Variants in PCDH7 observed in about 807,000 individuals in gnomAD.
PCDH7 encodes the protein protocadherin-7.
A neutral mutation model predicts 58.9 loss-of-function variants in PCDH7; 17 were observed. The observed-to-expected ratio is 0.29, with a 90% confidence interval of 0.20 to 0.43. PCDH7 has a LOEUF of 0.43. Among genes scored for constraint, PCDH7 ranks in the 20% least tolerant of loss-of-function variants. The pLI is 1.00. For synonymous variants in PCDH7, 664 were observed against 616.4 expected (o/e 1.08, Z -1.14); for missense variants, 1,274 against 1,441.0 (o/e 0.88, Z 1.88).
At chr4:30,859,348 T>A (rs1733892400) in intron 1 of PCDH7, among the ~76,000 whole-genome samples, 1 of 152,184 alleles carries the variant, frequency 6.6e-6, no homozygotes. Flanking sequence ...AATACTTGTA[T>A]ACTGCCCTCT....
At chr4:31,142,130 T>C (rs991559651) in intron 3 of PCDH7, among the ~76,000 whole-genome samples, 2 of 152,202 alleles carry the variant, frequency 1.3e-5, no homozygotes, top group Non-Finnish European at 2.9e-5. Flanking sequence ...GTGGAAAATA[T>C]TAGCACCCAT....
intron 3 of PCDH7, among the ~76,000 whole-genome samples, chr4:31,136,529 T>C (rs992168239): frequency 6.6e-6 from 1 of 152,168 alleles, no homozygotes; most frequent in African/African-American, 2.4e-5. Context: ...CCTATACTCT[T>C]CTATTTTGGT....
At chr4:31,137,660 A>G (rs1243373817) in intron 3 of PCDH7, among the ~76,000 whole-genome samples, 1 of 152,300 alleles carries the variant, frequency 6.6e-6, no homozygotes, top group Admixed American at 6.5e-5. Context: ...TTGTCAAGTA[A>G]TGTTAATCAT....
At chr4:30,802,644 G>T (rs552580653) in intron 1 of PCDH7, among the ~76,000 whole-genome samples, 55 of 152,094 alleles carry the variant, frequency 3.6e-4, no homozygotes, top group African/African-American at 1.3e-3. Flanking sequence ...AAGCGGAAGG[G>T]GTTCACAACT....
intron 3 of PCDH7, among the ~76,000 whole-genome samples, chr4:31,006,919 A>G (rs1194384829): frequency 1.7e-5 from 2 of 120,782 alleles, no homozygotes; most frequent in Admixed American, 8.0e-5. Flanking sequence ...AAAAAGAAAA[A>G]GAAACAAGAC....
At chr4:30,932,576 T>A (rs1455475243) in intron 2 of PCDH7, among the ~76,000 whole-genome samples, 2 of 152,210 alleles carry the variant, frequency 1.3e-5, no homozygotes, top group Non-Finnish European at 2.9e-5. Context: ...TAATCACTCA[T>A]ATGTATATTT....
At chr4:30,923,216 G>T (rs747902492) in intron 2 of PCDH7, among the ~76,000 whole-genome samples, 3 of 152,102 alleles carry the variant, frequency 2.0e-5, no homozygotes, top group Non-Finnish European at 4.4e-5. Flanking sequence ...AAGTGTTTGG[G>T]ATTAACTTTC....
intron 3 of PCDH7, among the ~76,000 whole-genome samples, chr4:30,998,789 G>C (rs1046534163): frequency 5.3e-5 from 8 of 152,132 alleles, no homozygotes; most frequent in Non-Finnish European, 1.0e-4. Context: ...TTCTATCGTA[G>C]AAAGTGGAGA....
At chr4:30,798,273 A>T (rs36077546) in intron 1 of PCDH7, among the ~76,000 whole-genome samples, 3,447 of 152,306 alleles carry the variant, frequency 0.023, 69 homozygotes, top group East Asian at 0.073. Flanking sequence ...TTGTTAGAAC[A>T]ATAACTTTCA....
At chr4:30,746,194 A>G (rs1182818526) in intron 1 of PCDH7, among the ~76,000 whole-genome samples, 1 of 152,238 alleles carries the variant, frequency 6.6e-6, no homozygotes, top group African/African-American at 2.4e-5. Context: ...CCTCGAGGAA[A>G]TAATAGTGGC....
At chr4:30,987,974 TCACTG>T (rs1388612609) in intron 3 of PCDH7, among the ~76,000 whole-genome samples, 6 of 152,090 alleles carry the variant, frequency 3.9e-5, no homozygotes, top group Admixed American at 3.9e-4. Context: ...ACTCACCAGG[TCACTG>T]TCAAGATGAG....
At position 30,722,576 on chromosome 4, in the gene PCDH7, T is replaced by C. The variant is rs760583700; in HGVS notation, c.1154T>C (p.Val385Ala). The C allele has an allele frequency of 6.2e-7, 1 of 1,612,864 alleles. No individual in the cohort carries two copies. Among genetic ancestry groups the C allele is most frequent in the Non-Finnish European group, 8.5e-7 (1 of 1,180,020 alleles). Residue 385 changes from valine to alanine, a missense_variant, in exon 1 of 2, where the codon GTC (valine) becomes GCC (alanine). Val to Ala is a moderately conservative substitution (Grantham distance 64, BLOSUM62 0). Coordinates refer to ENST00000361762, the Ensembl canonical transcript of PCDH7. This position sits in a 1 kb window ranked among gnomAD's most constrained non-coding sequence, Gnocchi z 7.6. Reference sequence around the variant, plus strand: ...GAGGTGAACCAGCTGCGCTTCACGGTCATGGCCCGCGACCGCGGGCAGCCC... The same window carrying C: ...GAGGTGAACCAGCTGCGCTTCACGGCCATGGCCCGCGACCGCGGGCAGCCC...
At position 30,721,921 on chromosome 4, in the gene PCDH7, G is replaced by T. The variant is rs772670909; in HGVS notation, c.499G>T (p.Ala167Ser). 7 of 1,572,554 alleles carry T rather than the reference G, an allele frequency of 4.5e-6. No individual in the cohort carries two copies. Among genetic ancestry groups the T allele is most frequent in the Non-Finnish European group, 6.0e-6 (7 of 1,163,756 alleles). ...GGGCACACTTTACCTGCTGCCCACAGCCACCGACCGCGACTTCGGCCGCAA... is the reference window on the plus strand; with the variant it reads ...GGGCACACTTTACCTGCTGCCCACATCCACCGACCGCGACTTCGGCCGCAA... Residue 167 changes from alanine to serine, a missense_variant, in exon 1 of 2, where the codon GCC (alanine) becomes TCC (serine). Around this residue, in one of 3 missense-constraint regions of PCDH7, gnomAD observed 212 missense variants for 255.8 expected, o/e 0.83. Coordinates refer to ENST00000361762, the Ensembl canonical transcript of PCDH7. The surrounding 1 kb of genome is among the most constrained non-coding windows in gnomAD (Gnocchi z 6.7).
At chr4:31,128,879 G>T (rs756214834) in intron 3 of PCDH7, among the ~76,000 whole-genome samples, 6 of 152,162 alleles carry the variant, frequency 3.9e-5, no homozygotes, top group Non-Finnish European at 7.3e-5. Flanking sequence ...TCCTAAAAGG[G>T]GATGAGGAGA....
chr4:30,950,908 C>T (rs1747294021), intron 3 of PCDH7, among the ~76,000 whole-genome samples: 1 of 152,156 alleles, frequency 6.6e-6, no homozygotes, highest in South Asian at 2.1e-4. Flanking sequence ...GCTCAAACTC[C>T]AGCAGAGTCA....
At chr4:30,791,094 C>T (rs966284219) in intron 1 of PCDH7, among the ~76,000 whole-genome samples, 4 of 151,972 alleles carry the variant, frequency 2.6e-5, no homozygotes, top group African/African-American at 9.7e-5. Context: ...GAGTATCTTG[C>T]CACTGGAACC....
chr4:30,906,476 T>A (rs1740942521), intron 1 of PCDH7, among the ~76,000 whole-genome samples: 1 of 152,130 alleles, frequency 6.6e-6, no homozygotes, highest in Non-Finnish European at 1.5e-5. Flanking sequence ...ATGTAGCAAT[T>A]GGTAAAAACA....
chr4:30,871,246 G>A (rs1339387163), intron 1 of PCDH7, among the ~76,000 whole-genome samples: 4 of 152,062 alleles, frequency 2.6e-5, no homozygotes, highest in African/African-American at 9.7e-5. Context: ...TACCCCCAGA[G>A]TTTACTTTTC....
chr4:30,745,893 G>T (rs538349931), intron 1 of PCDH7, among the ~76,000 whole-genome samples: 3 of 152,208 alleles, frequency 2.0e-5, no homozygotes, highest in Non-Finnish European at 2.9e-5. Flanking sequence ...AGGCTGGAGT[G>T]CAGTGGCGTG....
Sources: gnomAD v4.1 joint callset for allele counts (sites outside exome capture counted in the v4.1 genomes callset) on GRCh38, gnomAD v4.1.1 for gene constraint, gnomAD v4.1.1 regional missense constraint, Gnocchi (gnomAD v3.1) non-coding constraint, MANE v1.5 for transcripts, NCBI Gene and HGNC (gene_info 2026-07-23, HGNC 2026-07-21) for gene names.